RARB: variants seen among roughly 807,000 people sequenced by gnomAD.
The protein encoded by RARB is retinoic acid receptor beta.
A neutral mutation model predicts 51.9 loss-of-function variants in RARB; 17 were observed. The ratio of observed to expected loss-of-function variants is 0.33; its 90% CI spans 0.22 to 0.49. RARB has a LOEUF of 0.49. Among genes scored for constraint, RARB ranks in the 20% least tolerant of loss-of-function variants. RARB has a pLI of 0.99. For missense variants in RARB, 369 were observed against 550.8 expected, an observed-to-expected ratio of 0.67 and a Z score of 3.30; for synonymous variants, 215 against 195.4, an observed-to-expected ratio of 1.10 and a Z score of -0.84.
At chr3:25,460,556 T>G (rs569818640) in intron 1 of RARB, among the ~76,000 whole-genome samples, 1 of 152,134 alleles carries the variant, frequency 6.6e-6, no homozygotes, top group Non-Finnish European at 1.5e-5. Flanking sequence ...CAAGCGATTC[T>G]CCTGCCTCAG....
chr3:25,338,082 C>G (rs1236681499), intron 5 of RARB, among the ~76,000 whole-genome samples: 1 of 141,204 alleles, frequency 7.1e-6, no homozygotes, highest in Non-Finnish European at 1.5e-5. Context: ...TATGTCACCC[C>G]CCTCCAAACC....
In RARB at chr3:25,089,028, G is replaced by A. The variant is rs149018769; in HGVS notation, c.-328+28852G>A. On this transcript the variant is annotated intron_variant, in intron 3 of 11. Transcript: ENST00000383772. ...CCTTTAAGTTTTACTAATTGAGTAA[G>A]AGTCTGTGAAACTTTCTAAGTTGAC... is the stretch of plus-strand genomic sequence containing the variant. Among the ~76,000 whole-genome samples the A allele has an allele frequency of 7.0e-3, 1,061 of 151,534 alleles. 10 individuals are homozygous for A. The highest frequency in any genetic ancestry group is 0.024 in the African/African-American group (997 of 41,410).
At chr3:25,232,035 T>C (rs958997680) in intron 5 of RARB, among the ~76,000 whole-genome samples, 2 of 152,148 alleles carry the variant, frequency 1.3e-5, no homozygotes, top group African/African-American at 4.8e-5. Context: ...TTTAGATCTA[T>C]GAGGTATTGT....
intron 4 of RARB, among the ~76,000 whole-genome samples, chr3:25,135,742 AAC>A (rs1359399457): frequency 1.3e-5 from 2 of 152,020 alleles, no homozygotes; most frequent in African/African-American, 4.8e-5. Context: ...CAGTGTATGA[AAC>A]ACAAATAAAA....
chr3:25,488,897 C>T (rs1201563290), intron 2 of RARB, among the ~76,000 whole-genome samples: 2 of 152,086 alleles, frequency 1.3e-5, no homozygotes, highest in Non-Finnish European at 2.9e-5. Flanking sequence ...TTGGCAGGTA[C>T]CTCTTTTATT....
At chr3:25,364,979 C>G (rs1459757734) in intron 5 of RARB, among the ~76,000 whole-genome samples, 1 of 152,058 alleles carries the variant, frequency 6.6e-6, no homozygotes, top group African/African-American at 2.4e-5. Flanking sequence ...AATCTGATTA[C>G]TATTAGTATC....
intron 4 of RARB, among the ~76,000 whole-genome samples, chr3:25,139,535 G>T (rs1483693255): frequency 6.6e-6 from 1 of 152,118 alleles, no homozygotes; most frequent in African/African-American, 2.4e-5. Context: ...TGAGGAAGCT[G>T]CTGGAAAAAA....
intron 5 of RARB, among the ~76,000 whole-genome samples, chr3:25,239,620 G>T (rs1289123139): frequency 6.6e-6 from 1 of 152,132 alleles, no homozygotes; most frequent in Admixed American, 6.5e-5. Flanking sequence ...TATATACATA[G>T]ATTTATTTCT....
intron 2 of RARB, among the ~76,000 whole-genome samples, chr3:24,887,511 TTATGCTTATAA>T (rs1703287972): frequency 6.6e-6 from 1 of 152,214 alleles, no homozygotes; most frequent in Non-Finnish European, 1.5e-5. Context: ...AATGTTATGG[TTATGCTTATAA>T]TATGTATTAA....
At chr3:24,913,198 A>G (rs890708772) in intron 2 of RARB, among the ~76,000 whole-genome samples, 2 of 151,438 alleles carry the variant, frequency 1.3e-5, no homozygotes, top group African/African-American at 4.9e-5. Context: ...GTTAGCCACG[A>G]TGGTCTCGAT....
chr3:25,338,096 AACACACACACACAC>A lies in RARB; in HGVS notation c.179-123071_179-123058del, dbSNP rs10523484. Among the ~76,000 whole-genome samples the A allele has an allele frequency of 4.4e-3, 631 of 144,050 alleles. 5 individuals carry two copies. Among genetic ancestry groups the A allele is most frequent in the African/African-American group, 0.015 (597 of 38,834 alleles). 94.5% of individuals were successfully genotyped at this position (144,050 alleles called of 152,430 possible). ...GTATGTCACCCCCCTCCAAACCCCC[AACACACACACACAC>A]ACACACACACACACACACACACACA... On this transcript the variant is annotated intron_variant, in intron 5 of 11. Transcript: ENST00000383772.
At chr3:25,526,167 G>C (rs1242493907) in intron 3 of RARB, among the ~76,000 whole-genome samples, 1 of 152,216 alleles carries the variant, frequency 6.6e-6, no homozygotes, top group Non-Finnish European at 1.5e-5. Flanking sequence ...TTCCAGGTAG[G>C]AGAGCAAAGG....
intron 5 of RARB, among the ~76,000 whole-genome samples, chr3:25,269,866 C>A (rs573606527): frequency 6.6e-6 from 1 of 152,036 alleles, no homozygotes; most frequent in Non-Finnish European, 1.5e-5. Context: ...AGACATGTAT[C>A]TAAAGAAGAC....
At chr3:24,885,714 G>A (rs1413043524) in intron 2 of RARB, among the ~76,000 whole-genome samples, 1 of 152,142 alleles carries the variant, frequency 6.6e-6, no homozygotes, top group Admixed American at 6.6e-5. Context: ...CTAGAGTATA[G>A]ATTGGAGACT....
At chr3:24,848,134 A>C (rs1169432344) in intron 1 of RARB, among the ~76,000 whole-genome samples, 2 of 152,198 alleles carry the variant, frequency 1.3e-5, no homozygotes, top group African/African-American at 4.8e-5. Context: ...ATCTCGGCTC[A>C]TTGCAACCTC....
chr3:25,314,475 T>C (rs867730382), intron 5 of RARB, among the ~76,000 whole-genome samples: 5 of 152,192 alleles, frequency 3.3e-5, no homozygotes, highest in South Asian at 2.1e-4. Flanking sequence ...TTTAAGATAG[T>C]TTAAGTTTCT....
intron 5 of RARB, among the ~76,000 whole-genome samples, chr3:25,308,355 G>A (rs79673117): frequency 0.011 from 1,735 of 152,010 alleles, 26 homozygotes; most frequent in African/African-American, 0.039. Context: ...ATGCTTTGCA[G>A]CCATACAGAC....
intron 5 of RARB, among the ~76,000 whole-genome samples, chr3:25,223,387 T>G (rs1187698212): frequency 6.6e-6 from 1 of 152,230 alleles, no homozygotes; most frequent in Non-Finnish European, 1.5e-5. Context: ...ATATTAAGTG[T>G]AGAGGCTAGA....
intron 5 of RARB, among the ~76,000 whole-genome samples, chr3:25,414,070 C>G (rs567418399): frequency 3.5e-5 from 3 of 86,928 alleles, no homozygotes; most frequent in Admixed American, 1.1e-4. Context: ...CCTGTCGCTC[C>G]CTTTTCCCTA....
Sources: allele counts gnomAD v4.1 joint callset (sites outside exome capture counted in the v4.1 genomes callset), GRCh38; gene constraint gnomAD v4.1.1; transcripts MANE v1.5; gene names NCBI Gene and HGNC (gene_info 2026-07-23, HGNC 2026-07-21).